RAB3C: variants seen among roughly 807,000 people sequenced by gnomAD.
RAB3C encodes the protein RAB3C, member RAS oncogene family, also known as ras-related protein Rab-3C.
A neutral mutation model predicts 26.4 loss-of-function variants in RAB3C; 17 were observed. That is an observed-to-expected ratio of 0.64 (90% CI 0.44 to 0.97). RAB3C has a LOEUF of 0.97. Ranked by LOEUF, RAB3C falls within the 50% of genes least tolerant of loss-of-function variation. RAB3C has a pLI of 0.00. For missense variants in RAB3C, 242 were observed against 281.9 expected (o/e 0.86, Z 1.01); for synonymous variants, 91 against 95.9 (o/e 0.95, Z 0.30).
Position 58,610,646 on chromosome 5 carries a change from T to G in RAB3C, c.25-6997T>G, listed in dbSNP as rs145229240. Among the ~76,000 whole-genome samples the G allele has an allele frequency of 2.7e-3, 414 of 152,246 alleles. 1 individual carries two copies. The highest frequency in any genetic ancestry group is 9.4e-3 in the African/African-American group (389 of 41,566). On this transcript the variant is annotated intron_variant, in intron 1 of 4. Transcript: ENST00000282878. ...TTTTTACCCTTCTAATTTCAAAGAA[T>G]AATTGCATTTTTTTTTGGATAATTT...
chr5:58,701,627 G>T (rs1460761697), intron 2 of RAB3C, among the ~76,000 whole-genome samples: 1 of 152,106 alleles, frequency 6.6e-6, no homozygotes, highest in Non-Finnish European at 1.5e-5. Context: ...CTTCAGGGCT[G>T]TGTTCCTTCT....
Position 58,856,388 on chromosome 5 carries a change from C to G in RAB3C, c.*5037C>G, listed in dbSNP as rs946378140. The G allele has an allele frequency of 2.6e-5, 4 of 151,924 alleles. No individual in the cohort carries two copies. Among genetic ancestry groups the G allele is most frequent in the Non-Finnish European group, 5.9e-5 (4 of 67,988 alleles). The allele number at this position is 151,924 out of a possible 1,614,324, so 9.4% of individuals were successfully genotyped here. ...CTAGCTAGTGGACAAATTGAACTTT[C>G]TATTTGCAGTTCTCTTTTACTTTCT... On this transcript the variant is annotated 3_prime_UTR_variant, in exon 5 of 5. Transcript: ENST00000282878.
chr5:58,700,812 C>T (rs1748825554), intron 2 of RAB3C, among the ~76,000 whole-genome samples: 2 of 152,080 alleles, frequency 1.3e-5, no homozygotes, highest in Non-Finnish European at 2.9e-5. Context: ...TGAACCATTT[C>T]ACAATCATGC....
intron 3 of RAB3C, among the ~76,000 whole-genome samples, chr5:58,783,718 C>T (rs1288777572): frequency 6.6e-6 from 1 of 152,186 alleles, no homozygotes; most frequent in Non-Finnish European, 1.5e-5. Flanking sequence ...CATGGCCAGT[C>T]GTGACCTGAG....
At chr5:58,754,447 T>A (rs1434448870) in intron 3 of RAB3C, among the ~76,000 whole-genome samples, 1 of 151,964 alleles carries the variant, frequency 6.6e-6, no homozygotes, top group Non-Finnish European at 1.5e-5. Context: ...CTTGCCAAAA[T>A]GAAAAGAGGT....
At chr5:58,659,311 C>T (rs1301357195) in intron 2 of RAB3C, among the ~76,000 whole-genome samples, 1 of 152,066 alleles carries the variant, frequency 6.6e-6, no homozygotes, top group Non-Finnish European at 1.5e-5. Flanking sequence ...AATTATATGT[C>T]TTCTTCTGAA....
At position 58,589,553 on chromosome 5, in the gene RAB3C, A is replaced by G. The variant is rs560720791; in HGVS notation, c.24+6321A>G. Among the ~76,000 whole-genome samples, 33 of 152,244 alleles carry G rather than the reference A, an allele frequency of 2.2e-4. 1 individual carries two copies. In the South Asian group the frequency reaches 5.4e-3, roughly 25 times the overall value. ...CGGAGCCTGGAGTTTTCTTTCTGAA[A>G]ATTTTAAATAAGAGTTTTAATTTTT... On this transcript the variant is annotated intron_variant, in intron 1 of 4. Transcript: ENST00000282878.
At chr5:58,782,923 A>G (rs1049315822) in intron 3 of RAB3C, among the ~76,000 whole-genome samples, 3 of 152,000 alleles carry the variant, frequency 2.0e-5, no homozygotes, top group African/African-American at 7.2e-5. Context: ...TGATTGTACT[A>G]TGTCCCATAA....
chr5:58,784,484 C>T (rs1245677988), intron 3 of RAB3C, among the ~76,000 whole-genome samples: 2 of 152,140 alleles, frequency 1.3e-5, no homozygotes, highest in African/African-American at 4.8e-5. Context: ...TCCTATGACA[C>T]GTGGAAATTG....
At chr5:58,664,060 C>G (rs1747955960) in intron 2 of RAB3C, among the ~76,000 whole-genome samples, 1 of 152,110 alleles carries the variant, frequency 6.6e-6, no homozygotes, top group African/African-American at 2.4e-5. Context: ...TCCTAAAACC[C>G]CATGAAGTCA....
chr5:58,830,436 A>C lies in RAB3C; in HGVS notation c.496+5274A>C, dbSNP rs531600345. Reference sequence around the variant, plus strand: ...TCACCAAGCATAAGAGTTTGGGTGTATTGACCATGCTACATCATATGTTGT... The same window carrying C: ...TCACCAAGCATAAGAGTTTGGGTGTCTTGACCATGCTACATCATATGTTGT... On this transcript the variant is annotated intron_variant, in intron 4 of 4. Coordinates refer to ENST00000282878, the MANE Select transcript of RAB3C (RefSeq NM_138453.4). Among the ~76,000 whole-genome samples the C allele has an allele frequency of 1.8e-4, 27 of 152,270 alleles. No homozygotes were observed. In the East Asian group the frequency reaches 1.9e-3, roughly 11 times the overall value.
At chr5:58,664,144 CT>C (rs1010411849) in intron 2 of RAB3C, among the ~76,000 whole-genome samples, 3 of 152,144 alleles carry the variant, frequency 2.0e-5, no homozygotes, top group Non-Finnish European at 4.4e-5. Context: ...GGAATGAAAA[CT>C]TACATTTTCA....
At chr5:58,718,402 C>T (rs1281310762) in intron 2 of RAB3C, among the ~76,000 whole-genome samples, 1 of 151,990 alleles carries the variant, frequency 6.6e-6, no homozygotes, top group Non-Finnish European at 1.5e-5. Context: ...TTAGATCTGT[C>T]AGGGTATTAC....
At chr5:58,658,435 G>A (rs944458255) in intron 2 of RAB3C, among the ~76,000 whole-genome samples, 1 of 152,146 alleles carries the variant, frequency 6.6e-6, no homozygotes, top group South Asian at 2.1e-4. Flanking sequence ...TTGTGGGAAA[G>A]GATTGTGGTT....
chr5:58,797,349 A>AT, intron 3 of RAB3C, among the ~76,000 whole-genome samples: 1 of 12,894 alleles, frequency 7.8e-5, no homozygotes, highest in South Asian at 3.1e-3. Flanking sequence ...CAAAAAAAAA[A>AT]AAAAATATGT....
At chr5:58,767,062 C>T (rs1390837430) in intron 3 of RAB3C, among the ~76,000 whole-genome samples, 1 of 152,190 alleles carries the variant, frequency 6.6e-6, no homozygotes, top group Non-Finnish European at 1.5e-5. Context: ...CCGTGAAAAT[C>T]ATCACCCTGT....
At chr5:58,750,327 TC>T (rs1741495311) in intron 3 of RAB3C, among the ~76,000 whole-genome samples, 1 of 152,214 alleles carries the variant, frequency 6.6e-6, no homozygotes, top group Non-Finnish European at 1.5e-5. Flanking sequence ...GGTTGGTACT[TC>T]TTATTTGCTA....
At chr5:58,712,317 A>C (rs1329399744) in intron 2 of RAB3C, among the ~76,000 whole-genome samples, 1 of 152,098 alleles carries the variant, frequency 6.6e-6, no homozygotes, top group African/African-American at 2.4e-5. Context: ...AGTACCCCAC[A>C]CAATGCTAGG....
chr5:58,649,856 A>G (rs1356003494), intron 2 of RAB3C, among the ~76,000 whole-genome samples: 10 of 152,200 alleles, frequency 6.6e-5, no homozygotes, highest in African/African-American at 2.4e-4. Flanking sequence ...TCTGCCCATC[A>G]CAGACAGCAC....
Sources: gnomAD v4.1 joint callset for allele counts (sites outside exome capture counted in the v4.1 genomes callset) on GRCh38, gnomAD v4.1.1 for gene constraint, MANE v1.5 for transcripts, NCBI Gene and HGNC (gene_info 2026-07-23, HGNC 2026-07-21) for gene names.